The following SRGAP1 variants were observed in gnomAD, a reference collection of about 807,000 sequenced individuals.
SRGAP1 encodes SLIT-ROBO Rho GTPase-activating protein 1.
SRGAP1 carries 43 observed loss-of-function variants against 121.9 expected under a neutral mutation model. The ratio of observed to expected loss-of-function variants is 0.35; its 90% CI spans 0.28 to 0.46. SRGAP1 has a LOEUF of 0.46. SRGAP1 is among the 20% of genes least tolerant of loss of function. The pLI, the probability that SRGAP1 is intolerant of heterozygous loss-of-function variation, is 1.00. For missense variants in SRGAP1, 1,102 were observed against 1,350.9 expected (o/e 0.82, Z 2.89); for synonymous variants, 447 against 485.4 (o/e 0.92, Z 1.04).
chr12:64,109,751 T>G (rs1008718573), intron 16 of SRGAP1, among the ~76,000 whole-genome samples: 1 of 152,182 alleles, frequency 6.6e-6, no homozygotes, highest in Non-Finnish European at 1.5e-5. Context: ...ACTTATTGAG[T>G]AAACTTGGGG....
intron 1 of SRGAP1, among the ~76,000 whole-genome samples, chr12:63,874,221 T>A (rs1899953352): frequency 6.6e-6 from 1 of 152,098 alleles, no homozygotes; most frequent in Non-Finnish European, 1.5e-5. Context: ...CTTTTTTTTT[T>A]GAGCTGGAGT....
chr12:64,041,875 ATAT>A (rs10689107), intron 4 of SRGAP1, among the ~76,000 whole-genome samples: 6,610 of 138,536 alleles, frequency 0.048, 213 homozygotes, highest in African/African-American at 0.084. Flanking sequence ...ATTTTCTTTT[ATAT>A]TATTATTATT....
At chr12:63,874,762 G>C (rs951361242) in intron 1 of SRGAP1, among the ~76,000 whole-genome samples, 14 of 152,050 alleles carry the variant, frequency 9.2e-5, no homozygotes, top group Non-Finnish European at 1.0e-4. Context: ...TGGCCTTATA[G>C]TGAACTCTCA....
At chr12:63,966,896 T>G (rs908181423) in intron 1 of SRGAP1, among the ~76,000 whole-genome samples, 1 of 152,228 alleles carries the variant, frequency 6.6e-6, no homozygotes, top group African/African-American at 2.4e-5. Flanking sequence ...GATGTTAGAT[T>G]AGAGTTGAAG....
At position 64,147,201 on chromosome 12, in the gene SRGAP1, C is replaced by T. The variant is rs1223302959; in HGVS notation, c.*4529C>T. On this transcript the variant is annotated 3_prime_UTR_variant, in exon 22 of 22. Transcript: ENST00000355086. ...CGTAATTAAATCAGTATTGTCCTTTCCTGTCGGTTTGATCAATTGCGGTAC... is the reference window on the plus strand; with the variant it reads ...CGTAATTAAATCAGTATTGTCCTTTTCTGTCGGTTTGATCAATTGCGGTAC... 9.7e-6 allele frequency: 3 copies of T among 309,908 alleles called. No individual in the cohort carries two copies. Among genetic ancestry groups the T allele is most frequent in the Non-Finnish European group, 1.8e-5 (3 of 169,696 alleles). 19.2% of individuals were successfully genotyped at this position (309,908 alleles called of 1,614,324 possible).
At chr12:63,932,216 G>A (rs2136339358) in intron 1 of SRGAP1, among the ~76,000 whole-genome samples, 1 of 152,296 alleles carries the variant, frequency 6.6e-6, no homozygotes, top group African/African-American at 2.4e-5. Flanking sequence ...GGGAGGCAGA[G>A]GTTTCAGTGA....
chr12:63,885,669 C>T (rs914624682), intron 1 of SRGAP1, among the ~76,000 whole-genome samples: 1 of 152,164 alleles, frequency 6.6e-6, no homozygotes, highest in African/African-American at 2.4e-5. Flanking sequence ...TTTTTTGACC[C>T]ACAATCAGGT....
At chr12:63,862,739 G>T (rs1565925297) in intron 1 of SRGAP1, among the ~76,000 whole-genome samples, 1 of 152,172 alleles carries the variant, frequency 6.6e-6, no homozygotes, top group East Asian at 1.9e-4. Context: ...ATGGCGCTGT[G>T]TATTTCTTTT....
intron 1 of SRGAP1, among the ~76,000 whole-genome samples, chr12:63,975,190 C>T: frequency 6.6e-6 from 1 of 152,212 alleles, no homozygotes; most frequent in East Asian, 1.9e-4. Flanking sequence ...GTTAAGGAAA[C>T]ATGAGCTCCA....
intron 1 of SRGAP1, among the ~76,000 whole-genome samples, chr12:63,891,153 T>C (rs1209652431): frequency 2.0e-5 from 3 of 152,192 alleles, no homozygotes; most frequent in Non-Finnish European, 4.4e-5. Context: ...TCCACACTCA[T>C]GGAGGCCTTG....
intron 4 of SRGAP1, among the ~76,000 whole-genome samples, chr12:64,019,974 C>G (rs1213388736): frequency 2.6e-5 from 4 of 152,184 alleles, no homozygotes; most frequent in Non-Finnish European, 4.4e-5. Context: ...CTTGACACTC[C>G]TTGGGAGTTG....
At chr12:63,953,114 A>G (rs553238616) in intron 1 of SRGAP1, among the ~76,000 whole-genome samples, 17 of 152,294 alleles carry the variant, frequency 1.1e-4, no homozygotes, top group African/African-American at 3.8e-4. Flanking sequence ...TCCAACTTAG[A>G]TCTCTGACTC....
chr12:64,062,302 A>G (rs2035464556), intron 6 of SRGAP1, among the ~76,000 whole-genome samples: 1 of 152,168 alleles, frequency 6.6e-6, no homozygotes, highest in East Asian at 1.9e-4. Context: ...GATATTAAGC[A>G]TCTCCTCATG....
intron 1 of SRGAP1, among the ~76,000 whole-genome samples, chr12:63,982,204 C>A (rs773927303): frequency 2.0e-5 from 3 of 151,154 alleles, no homozygotes; most frequent in Non-Finnish European, 4.4e-5. Flanking sequence ...GAGCAAGACT[C>A]CGTCTCAAAA....
intron 12 of SRGAP1, among the ~76,000 whole-genome samples, chr12:64,092,535 T>TA (rs1165380831): frequency 2.0e-5 from 3 of 152,172 alleles, no homozygotes; most frequent in Non-Finnish European, 2.9e-5. Context: ...CTGGCAGCCT[T>TA]AAAAATCAGC....
At chr12:64,106,829 G>A (rs2036352257) in intron 15 of SRGAP1, among the ~76,000 whole-genome samples, 1 of 151,980 alleles carries the variant, frequency 6.6e-6, no homozygotes, top group Admixed American at 6.6e-5. Flanking sequence ...TGTTCATAGC[G>A]TTATATTTTC....
intron 14 of SRGAP1, among the ~76,000 whole-genome samples, chr12:64,096,732 A>C (rs1015775105): frequency 6.6e-6 from 1 of 152,212 alleles, no homozygotes; most frequent in Non-Finnish European, 1.5e-5. Context: ...TGTGCTGTGA[A>C]CACCACCATG....
intron 15 of SRGAP1, among the ~76,000 whole-genome samples, chr12:64,102,086 T>A (rs922134787): frequency 2.5e-4 from 38 of 152,228 alleles, no homozygotes; most frequent in Admixed American, 1.3e-4. Flanking sequence ...CATGTTAATA[T>A]ACAACATAAC....
At chr12:63,871,972 T>TGCC in intron 1 of SRGAP1, 1 of 1,041,890 alleles carries the variant, frequency 9.6e-7, no homozygotes, top group Non-Finnish European at 1.5e-6. Context: ...GATGAATCCT[T>TGCC]GCCCTTCTTA....
Sources: gnomAD v4.1 joint callset for allele counts (sites outside exome capture counted in the v4.1 genomes callset) on GRCh38, gnomAD v4.1.1 for gene constraint, MANE v1.5 for transcripts, NCBI Gene and HGNC (gene_info 2026-07-23, HGNC 2026-07-21) for gene names.